The following HIVEP1 variants were observed in gnomAD, a reference collection of about 807,000 sequenced individuals.
HIVEP1 encodes the protein zinc finger protein 40.
In HIVEP1, 36 loss-of-function variants were observed where a neutral mutation model predicts 180.0. The ratio of observed to expected loss-of-function variants is 0.20; its 90% CI spans 0.15 to 0.26. The LOEUF (loss-of-function observed/expected upper bound fraction) is 0.26, where lower values mean the gene tolerates loss of function less well. Ranked by LOEUF, HIVEP1 falls within the 10% of genes least tolerant of loss-of-function variation. The probability of loss-of-function intolerance (pLI) is 1.00; values close to 1 mark genes in which losing one functional copy is unlikely to be tolerated. For missense variants in HIVEP1, 3,143 were observed against 3,268.7 expected (o/e 0.96, Z 0.94); for synonymous variants, 1,239 against 1,239.0 (o/e 1.00, Z 0.00).
rs767262253 is a variant in HIVEP1 at position 12,122,099 on chromosome 6, G to A, written c.2304G>A (p.Lys768=). The A allele has an allele frequency of 6.9e-5, 112 of 1,614,070 alleles. No individual in the cohort carries two copies. In the East Asian group the frequency reaches 2.5e-3, roughly 35 times the overall value. The change falls in exon 4 of 9, where the codon AAG becomes AAA. Residue 768 remains lysine, a synonymous_variant. Transcript: ENST00000379388. The stretch of plus-strand genomic sequence containing the variant: ...ATGACAAGCAACTGGATAGTGTGAA[G>A]CCGCGGAGAACCTCACTGTCAAGAC... ...LVDDKQLDSV[K]PRRTSLSRRG... is the part of the protein sequence containing the mutation.
chr6:12,175,968 T>C, the HIVEP1 span, among the ~76,000 whole-genome samples: 3 of 152,038 alleles, frequency 2.0e-5, no homozygotes, highest in Non-Finnish European at 4.4e-5. Context: ...CTCCACAGAG[T>C]CCAGGCCTGT....
At chr6:12,194,093 C>A in the HIVEP1 span, among the ~76,000 whole-genome samples, 1 of 151,868 alleles carries the variant, frequency 6.6e-6, no homozygotes, top group Admixed American at 6.6e-5. Flanking sequence ...GGACTCAGAA[C>A]AAAAAGAAGA....
chr6:12,110,320 A>T (rs188130927), intron 3 of HIVEP1, among the ~76,000 whole-genome samples: 5 of 152,354 alleles, frequency 3.3e-5, no homozygotes, highest in African/African-American at 1.2e-4. Flanking sequence ...CCAGGCATTG[A>T]CTTCTCTCTA....
chr6:12,013,535 A>G (rs1006446405), intron 1 of HIVEP1, among the ~76,000 whole-genome samples: 5 of 152,332 alleles, frequency 3.3e-5, no homozygotes, highest in Middle Eastern at 3.4e-3. Context: ...GGGAATGTGC[A>G]TATTTTACAT....
chr6:12,077,941 C>T (rs754512128), intron 2 of HIVEP1, among the ~76,000 whole-genome samples: 7 of 152,110 alleles, frequency 4.6e-5, no homozygotes, highest in African/African-American at 1.2e-4. Flanking sequence ...TCACAGAATG[C>T]GATGGAGTAC....
chr6:12,058,570 C>A (rs534952527), intron 2 of HIVEP1, among the ~76,000 whole-genome samples: 17 of 152,184 alleles, frequency 1.1e-4, no homozygotes, highest in African/African-American at 4.1e-4. Flanking sequence ...TGGCTGTTGC[C>A]CTTAAAGTCT....
chr6:12,037,828 A>G, intron 2 of HIVEP1: 1 of 421,266 alleles, frequency 2.4e-6, no homozygotes, highest in Non-Finnish European at 4.2e-6. Context: ...TTCCTGCTTT[A>G]GCGTCCCGAA....
intron 3 of HIVEP1, among the ~76,000 whole-genome samples, chr6:12,089,782 G>A (rs1212020927): frequency 1.3e-5 from 2 of 152,000 alleles, no homozygotes; most frequent in Non-Finnish European, 2.9e-5. Context: ...AAATAACATT[G>A]CAATGTAGTA....
intron 2 of HIVEP1, among the ~76,000 whole-genome samples, chr6:12,074,634 G>GTGTGTGTGTGTGTGTGTGTGTA (rs1215999225): frequency 2.6e-5 from 3 of 115,038 alleles, no homozygotes; most frequent in Non-Finnish European, 6.8e-5. Flanking sequence ...GTGTGTGTGT[G>GTGTGTGTGTGTGTGTGTGTGTA]TGTGTGTGTG....
intron 2 of HIVEP1, among the ~76,000 whole-genome samples, chr6:12,042,390 T>C (rs964164641): frequency 2.7e-4 from 41 of 150,254 alleles, no homozygotes; most frequent in Admixed American, 2.2e-3. Flanking sequence ...CGCTTTTTTT[T>C]TTTTTTTTGA....
chr6:12,129,647 C>A, intron 4 of HIVEP1, 112 bp from the exon 5 acceptor site: 3 of 828,142 alleles, frequency 3.6e-6, no homozygotes, highest in Non-Finnish European at 4.1e-6. Flanking sequence ...CTTTGAAATG[C>A]ATTTCGTTGA....
intron 2 of HIVEP1, among the ~76,000 whole-genome samples, chr6:12,068,422 C>G (rs910728352): frequency 3.9e-5 from 6 of 152,048 alleles, no homozygotes; most frequent in Non-Finnish European, 8.8e-5. Flanking sequence ...ACACTTTTAA[C>G]TAAATTAAAG....
chr6:12,135,769 G>T (rs750706297), intron 6 of HIVEP1, 22 bp from the exon 7 acceptor site: 12 of 1,487,772 alleles, frequency 8.1e-6, no homozygotes, highest in Non-Finnish European at 1.0e-5. Flanking sequence ...CTTAAGCTTA[G>T]TAAACATTCT....
intron 7 of HIVEP1, among the ~76,000 whole-genome samples, chr6:12,144,116 T>G (rs1759220588): frequency 1.3e-5 from 2 of 152,260 alleles, no homozygotes; most frequent in African/African-American, 2.4e-5. Context: ...CATCATGCTA[T>G]CTGACTTCAA....
At chr6:12,167,330 T>C (rs1349941961), downstream of HIVEP1, among the ~76,000 whole-genome samples, 2 of 151,962 alleles carry the variant, frequency 1.3e-5, no homozygotes, top group South Asian at 2.1e-4. Context: ...TCTTTTTGAC[T>C]TTTCTGTTTT....
At chr6:12,044,765 C>A (rs1415300416) in intron 2 of HIVEP1, among the ~76,000 whole-genome samples, 1 of 151,942 alleles carries the variant, frequency 6.6e-6, no homozygotes, top group East Asian at 1.9e-4. Flanking sequence ...CCACTCAAAG[C>A]CAGTGCACCT....
rs544224871 is a variant in HIVEP1, at chr6:12,148,050, T to C, written c.6487+12158T>C. Among the ~76,000 whole-genome samples, 4 of 152,370 alleles carry C rather than the reference T, an allele frequency of 2.6e-5. No homozygotes were observed. In the South Asian group the frequency reaches 6.2e-4, roughly 24 times the overall value. On this transcript the variant is annotated intron_variant, in intron 7 of 8. Coordinates refer to ENST00000379388, the MANE Select transcript of HIVEP1 (RefSeq NM_002114.4). The stretch of plus-strand genomic sequence containing the variant: ...ATGTTATAAAGAGAGCAGTGTGTTA[T>C]GAAGTGTTTCATTTTACTAACAATT...
Position 12,045,631 on chromosome 6 carries a change from A to G in HIVEP1, c.40+29963A>G, listed in dbSNP as rs374104990. The stretch of plus-strand genomic sequence containing the variant: ...GCTTGGTAATGAAGTGTACCCTGCT[A>G]TGTTAGGGAATGTTTGTTAGAGGTG... On this transcript the variant is annotated intron_variant, in intron 2 of 8. Coordinates refer to ENST00000379388, the MANE Select transcript of HIVEP1 (RefSeq NM_002114.4). Among the ~76,000 whole-genome samples the G allele has an allele frequency of 2.6e-5, 4 of 152,306 alleles. No homozygotes were observed. In the East Asian group the frequency reaches 7.7e-4, roughly 29 times the overall value.
Position 12,017,555 on chromosome 6 carries a change from C to T in HIVEP1, c.40+1887C>T, listed in dbSNP as rs187848240. Among the ~76,000 whole-genome samples the T allele has an allele frequency of 2.3e-3, 345 of 152,330 alleles. 1 individual carries two copies. The highest frequency in any genetic ancestry group is 6.8e-3 in the Middle Eastern group (2 of 294). ...CAGTTGCAACTGCTGCCTCCGGCAG[C>T]CTGCTTTTATTCTCCCGTCTGGCCC... is the stretch of plus-strand genomic sequence containing the variant. On this transcript the variant is annotated intron_variant, in intron 2 of 8. Transcript: ENST00000379388.
Sources: allele counts gnomAD v4.1 joint callset (sites outside exome capture counted in the v4.1 genomes callset), GRCh38; gene constraint gnomAD v4.1.1; transcripts MANE v1.5; gene names NCBI Gene and HGNC (gene_info 2026-07-23, HGNC 2026-07-21).